PLA2G5: variants seen among roughly 807,000 people sequenced by gnomAD.
PLA2G5 encodes Ca2+-dependent phospholipase A2.
PLA2G5 carries 12 observed loss-of-function variants against 15.9 expected under a neutral mutation model. That is an observed-to-expected ratio of 0.76 (90% confidence interval 0.48 to 1.23). The LOEUF (loss-of-function observed/expected upper bound fraction) is 1.23, where lower values mean the gene tolerates loss of function less well. PLA2G5 is among the 50% of genes most tolerant of loss of function. The probability of loss-of-function intolerance (pLI) is 0.00; values close to 1 mark genes in which losing one functional copy is unlikely to be tolerated. For missense variants in PLA2G5, 169 were observed against 177.1 expected (o/e 0.95, Z 0.26); for synonymous variants, 71 against 71.4 (o/e 0.99, Z 0.03).
At chr1:20,084,718 G>A in intron 1 of PLA2G5, 103 bp from the exon 2 acceptor site, 1 of 781,464 alleles carries the variant, frequency 1.3e-6, no homozygotes, top group South Asian at 1.4e-5. Context: ...ACCATGACGG[G>A]GAGTGGAATA....
upstream of PLA2G5, among the ~76,000 whole-genome samples, chr1:20,069,473 GA>G (rs577891911): frequency 3.9e-5 from 6 of 152,050 alleles, no homozygotes; most frequent in Non-Finnish European, 8.8e-5. Flanking sequence ...AGGAGTTTGA[GA>G]CCAGACTGGG....
chr1:20,062,993 C>T lies in PLA2G5; in HGVS notation n.337+3301C>T, dbSNP rs567273656. On this transcript the variant is annotated intron_variant and non_coding_transcript_variant, in intron 2 of 6. Coordinates refer to the PLA2G5 transcript ENST00000460175. ...CTTTACTACTGAGAAGATCCATGGACGTGGGGAAGCACCTACTCATAGTCC... is the reference window on the plus strand; with the variant it reads ...CTTTACTACTGAGAAGATCCATGGATGTGGGGAAGCACCTACTCATAGTCC... 1.7e-4 allele frequency among the ~76,000 whole-genome samples: 26 copies of T among 152,170 alleles called. No homozygotes were observed. The South Asian group carries it at 5.0e-3, about 29-fold the overall frequency.
At chr1:20,061,355 C>A (rs542881878) in intron 2 of PLA2G5, among the ~76,000 whole-genome samples, 12 of 152,186 alleles carry the variant, frequency 7.9e-5, no homozygotes, top group African/African-American at 2.9e-4. Context: ...GAGGCTGAGG[C>A]AGGAGGATCA....
At chr1:20,074,862 T>A (rs4655146) in intron 1 of PLA2G5, among the ~76,000 whole-genome samples, 6 of 152,036 alleles carry the variant, frequency 3.9e-5, no homozygotes, top group Non-Finnish European at 5.9e-5. Context: ...CTTCAGAGAT[T>A]TGGAGACAGA....
At chr1:20,064,691 C>T (rs755360596) in intron 2 of PLA2G5, among the ~76,000 whole-genome samples, 22 of 151,928 alleles carry the variant, frequency 1.4e-4, no homozygotes, top group Non-Finnish European at 2.2e-4. Flanking sequence ...GCCAGGAGTT[C>T]GAGGCCAGCC....
chr1:20,047,304 T>C (rs544899588), intron 1 of PLA2G5, among the ~76,000 whole-genome samples: 1 of 151,918 alleles, frequency 6.6e-6, no homozygotes, highest in South Asian at 2.1e-4. Context: ...CAAGCACACA[T>C]TGATCCACCA....
upstream of PLA2G5, among the ~76,000 whole-genome samples, chr1:20,067,426 G>A (rs958769880): frequency 2.0e-5 from 3 of 152,140 alleles, no homozygotes; most frequent in Non-Finnish European, 2.9e-5. Flanking sequence ...GGTGGCTCAC[G>A]CCTGTAATTC....
chr1:20,080,380 G>A (rs2015940399), intron 1 of PLA2G5, among the ~76,000 whole-genome samples: 1 of 152,046 alleles, frequency 6.6e-6, no homozygotes, highest in Non-Finnish European at 1.5e-5. Context: ...TCAGGAGTTC[G>A]AGACCAGCCT....
At chr1:20,075,866 CTCTT>C in intron 1 of PLA2G5, among the ~76,000 whole-genome samples, 3 of 129,888 alleles carry the variant, frequency 2.3e-5, no homozygotes, top group Non-Finnish European at 4.9e-5. Flanking sequence ...GGATTTCTTT[CTCTT>C]TTTTTTTTTT....
intron 2 of PLA2G5, among the ~76,000 whole-genome samples, chr1:20,085,107 T>A (rs2016220177): frequency 6.6e-6 from 1 of 152,114 alleles, no homozygotes; most frequent in Non-Finnish European, 1.5e-5. Context: ...ATATTGTACC[T>A]CAGCTGTGTA....
intron 3 of PLA2G5, among the ~76,000 whole-genome samples, chr1:20,086,632 T>C (rs560484525): frequency 6.6e-6 from 1 of 152,336 alleles, no homozygotes; most frequent in Non-Finnish European, 1.5e-5. Context: ...CCTCAATTCC[T>C]GTCACTTAGG....
intron 1 of PLA2G5, among the ~76,000 whole-genome samples, chr1:20,031,047 T>G (rs2012898836): frequency 6.6e-6 from 1 of 152,178 alleles, no homozygotes; most frequent in Admixed American, 6.5e-5. Context: ...TGTGAAGGCT[T>G]GTTGGTCAGG....
At chr1:20,048,796 A>G (rs758420130) in intron 1 of PLA2G5, among the ~76,000 whole-genome samples, 205 of 152,334 alleles carry the variant, frequency 1.3e-3, no homozygotes, top group Non-Finnish European at 1.6e-3. Flanking sequence ...TAAACAATCT[A>G]GGCAAATGAT....
intron 1 of PLA2G5, among the ~76,000 whole-genome samples, chr1:20,037,112 G>C (rs182048690): frequency 6.6e-6 from 1 of 152,128 alleles, no homozygotes; most frequent in Non-Finnish European, 1.5e-5. Flanking sequence ...TGATCTTATG[G>C]GGGTGTTAAA....
Position 20,080,807 on chromosome 1 carries a change from G to A in PLA2G5, c.-10-4014G>A, listed in dbSNP as rs190871717. On this transcript the variant is annotated intron_variant, in intron 1 of 4. Transcript: ENST00000375108. Reference sequence around the variant, plus strand: ...GACGGAGAAAAGGTCTCACTGGTGAGGAATCTCATCTTTGGGGCTGCTTTG... The same window carrying A: ...GACGGAGAAAAGGTCTCACTGGTGAAGAATCTCATCTTTGGGGCTGCTTTG... 1.9e-4 allele frequency among the ~76,000 whole-genome samples: 29 copies of A among 151,934 alleles called. 1 individual carries two copies. Among genetic ancestry groups the A allele is most frequent in the African/African-American group, 7.0e-4 (29 of 41,242 alleles).
intron 1 of PLA2G5, among the ~76,000 whole-genome samples, chr1:20,034,944 G>A (rs1285065428): frequency 6.6e-6 from 1 of 152,050 alleles, no homozygotes; most frequent in African/African-American, 2.4e-5. Context: ...GGAGACAGGT[G>A]TTGGATGTGA....
At chr1:20,033,797 G>T (rs1332753195) in intron 1 of PLA2G5, among the ~76,000 whole-genome samples, 1 of 151,974 alleles carries the variant, frequency 6.6e-6, no homozygotes, top group Admixed American at 6.5e-5. Context: ...TTTTTAAAGT[G>T]GTAGTTGATG....
chr1:20,053,697 C>G (rs1246982588), intron 1 of PLA2G5, among the ~76,000 whole-genome samples: 1 of 151,942 alleles, frequency 6.6e-6, no homozygotes, highest in Admixed American at 6.6e-5. Context: ...CTTCTTCTTT[C>G]CAGCTAATTC....
At chr1:20,058,338 T>G (rs548005062) in intron 1 of PLA2G5, among the ~76,000 whole-genome samples, 56 of 152,344 alleles carry the variant, frequency 3.7e-4, no homozygotes, top group Non-Finnish European at 6.8e-4. Context: ...AGGACTGTTA[T>G]GTCTTCTTGA....
Sources: gnomAD v4.1 joint callset for allele counts (sites outside exome capture counted in the v4.1 genomes callset) on GRCh38, gnomAD v4.1.1 for gene constraint, MANE v1.5 for transcripts, NCBI Gene and HGNC (gene_info 2026-07-23, HGNC 2026-07-21) for gene names.